CYRIB: variants seen among roughly 807,000 people sequenced by gnomAD.
The protein encoded by CYRIB is CYFIP related Rac1 interactor B.
In CYRIB, 8 loss-of-function variants were observed where a neutral mutation model predicts 44.2. The observed-to-expected ratio is 0.18, with a 90% CI of 0.11 to 0.33. The LOEUF (loss-of-function observed/expected upper bound fraction) is 0.33, where lower values mean the gene tolerates loss of function less well. CYRIB is among the 10% of genes least tolerant of loss of function. The probability of loss-of-function intolerance (pLI) is 1.00; values close to 1 mark genes in which losing one functional copy is unlikely to be tolerated. For missense variants in CYRIB, 185 were observed against 382.8 expected (o/e 0.48, Z 4.31); for synonymous variants, 131 against 127.2 (o/e 1.03, Z -0.20).
At chr8:129,894,692 C>G (rs1393551379) in intron 2 of CYRIB, 1 of 152,146 alleles carries the variant, frequency 6.6e-6, no homozygotes, top group African/African-American at 2.4e-5. Context: ...AGGTTCCAGC[C>G]TAGTGGTGGC....
intron 3 of CYRIB, among the ~76,000 whole-genome samples, 156 bp downstream of exon 5, chr8:129,879,233 T>C (rs1193663292): frequency 2.0e-5 from 3 of 152,208 alleles, no homozygotes; most frequent in African/African-American, 7.2e-5. Context: ...AAATAGGACT[T>C]CCAGTTCTAG....
intron 2 of CYRIB, among the ~76,000 whole-genome samples, chr8:129,970,170 G>A (rs1449630702): frequency 2.0e-5 from 3 of 152,126 alleles, no homozygotes; most frequent in Non-Finnish European, 4.4e-5. Context: ...AAGATAGCTC[G>A]ATTAAAATAA....
chr8:129,890,720 C>G (rs1450529912), intron 2 of CYRIB: 3 of 151,608 alleles, frequency 2.0e-5, no homozygotes, highest in Non-Finnish European at 4.4e-5. Flanking sequence ...TGGCAAAACT[C>G]CGCCTCTACT....
chr8:129,905,187 C>G (rs1426134164), intron 1 of CYRIB, among the ~76,000 whole-genome samples: 3 of 147,244 alleles, frequency 2.0e-5, no homozygotes, highest in Admixed American at 7.1e-5. Context: ...GAGTCTCACT[C>G]TGTCACCCAG....
At chr8:129,968,166 G>A (rs1407993847) in intron 2 of CYRIB, among the ~76,000 whole-genome samples, 1 of 152,158 alleles carries the variant, frequency 6.6e-6, no homozygotes, top group African/African-American at 2.4e-5. Context: ...ATGAATTAAT[G>A]CAAATAAAGT....
At chr8:129,939,666 G>A (rs1004374579) in exon 1 of CYRIB, 1 of 152,316 alleles carries the variant, frequency 6.6e-6, no homozygotes, top group African/African-American at 2.4e-5. Flanking sequence ...TGGAGCCGCA[G>A]AGGCGGCTCC....
intron 2 of CYRIB, among the ~76,000 whole-genome samples, chr8:129,896,332 C>A (rs947571490): frequency 6.6e-6 from 1 of 152,168 alleles, no homozygotes; most frequent in Non-Finnish European, 1.5e-5. Flanking sequence ...GGAATAATCC[C>A]TTAGTCTTAC....
chr8:130,008,979 G>C (rs956957590), intron 1 of CYRIB, among the ~76,000 whole-genome samples: 1 of 152,206 alleles, frequency 6.6e-6, no homozygotes, highest in Non-Finnish European at 1.5e-5. Context: ...CTGTAGACCA[G>C]GGACTCAAAT....
At chr8:129,991,005 G>A (rs537638877) in intron 1 of CYRIB, among the ~76,000 whole-genome samples, 279 of 152,006 alleles carry the variant, frequency 1.8e-3, no homozygotes, top group Middle Eastern at 6.8e-3. Context: ...AGTGGCAGGC[G>A]CCTGTAATCC....
chr8:129,996,910 A>G (rs539673517), intron 1 of CYRIB, among the ~76,000 whole-genome samples: 1 of 152,160 alleles, frequency 6.6e-6, no homozygotes, highest in Non-Finnish European at 1.5e-5. Flanking sequence ...CATTAAACAA[A>G]TATTTACTGA....
intron 9 of CYRIB, chr8:129,850,286 C>T (rs2042582534): frequency 6.6e-6 from 1 of 151,418 alleles, no homozygotes; most frequent in African/African-American, 2.5e-5. Context: ...TGCCTGCTAA[C>T]AGGAAAAATC....
At chr8:129,940,789 T>G (rs1392821148), upstream of CYRIB, among the ~76,000 whole-genome samples, 2 of 152,186 alleles carry the variant, frequency 1.3e-5, no homozygotes, top group African/African-American at 2.4e-5. Context: ...ATGAACATTT[T>G]GCAGTCACAG....
At chr8:129,850,789 C>T in intron 9 of CYRIB, 46 bp downstream of exon 11, 1 of 1,289,208 alleles carries the variant, frequency 7.8e-7, no homozygotes, top group South Asian at 1.2e-5. Flanking sequence ...AAATATCAGT[C>T]ATCTCAACAG....
At chr8:129,904,230 C>T (rs1056208276) in intron 1 of CYRIB, among the ~76,000 whole-genome samples, 15 of 152,140 alleles carry the variant, frequency 9.9e-5, no homozygotes, top group Non-Finnish European at 1.8e-4. Context: ...GTACCTCCTC[C>T]TGATTGTACT....
intron 1 of CYRIB, among the ~76,000 whole-genome samples, chr8:129,982,971 A>AT (rs888492112): frequency 6.6e-6 from 1 of 150,546 alleles, no homozygotes; most frequent in Non-Finnish European, 1.5e-5. Context: ...AATATGTGCA[A>AT]TTTTTTTCAT....
At chr8:130,001,282 G>A (rs1311317468) in intron 1 of CYRIB, among the ~76,000 whole-genome samples, 1 of 152,106 alleles carries the variant, frequency 6.6e-6, no homozygotes, top group Non-Finnish European at 1.5e-5. Flanking sequence ...CCCAAGAGAA[G>A]TTGGGCACAC....
At chr8:129,980,819 CA>C (rs1427646000) in intron 1 of CYRIB, among the ~76,000 whole-genome samples, 1 of 150,728 alleles carries the variant, frequency 6.6e-6, no homozygotes. Context: ...CCATCTCCAC[CA>C]AAAATACAAA....
At chr8:129,874,961 T>C (rs1386550983) in intron 3 of CYRIB, among the ~76,000 whole-genome samples, 1 of 152,154 alleles carries the variant, frequency 6.6e-6, no homozygotes, top group African/African-American at 2.4e-5. Context: ...ATATACTCTA[T>C]TTCTCCCTTA....
At position 129,895,760 on chromosome 8, in the gene CYRIB, G is replaced by A. The variant is rs983677117; in HGVS notation, c.-11+7552C>T. 9.2e-5 allele frequency among the ~76,000 whole-genome samples: 14 copies of A among 152,210 alleles called. 1 individual carries two copies. The highest frequency in any genetic ancestry group is 3.9e-4 in the East Asian group (2 of 5,184). On this transcript the variant is annotated intron_variant, in intron 2 of 11. Transcript: ENST00000519824. The stretch of plus-strand genomic sequence containing the variant: ...GGTGAATGAATAAATTTGAAACACG[G>A]TCTTGCTCTGTTGCCCAGGCTGGTC...
Sources: gnomAD v4.1 joint callset for allele counts (sites outside exome capture counted in the v4.1 genomes callset) on GRCh38, gnomAD v4.1.1 for gene constraint, MANE v1.5 for transcripts, NCBI Gene and HGNC (gene_info 2026-07-23, HGNC 2026-07-21) for gene names.